PTPRN2: variants seen among roughly 807,000 people sequenced by gnomAD.
PTPRN2 encodes receptor-type tyrosine-protein phosphatase N2.
PTPRN2 carries 74 observed loss-of-function variants against 118.8 expected under a neutral mutation model. That is an observed-to-expected ratio of 0.62 (90% confidence interval 0.52 to 0.76). The LOEUF (loss-of-function observed/expected upper bound fraction) is 0.76. PTPRN2 is among the 30% of genes least tolerant of loss of function. The probability of loss-of-function intolerance (pLI) is 0.00; values close to 1 mark genes in which losing one functional copy is unlikely to be tolerated. For missense variants in PTPRN2, 1,481 were observed against 1,394.4 expected (o/e 1.06, Z -0.99); for synonymous variants, 641 against 608.0 (o/e 1.05, Z -0.80).
intron 12 of PTPRN2, among the ~76,000 whole-genome samples, chr7:157,795,407 T>C (rs1289149562): frequency 6.6e-6 from 1 of 152,220 alleles, no homozygotes; most frequent in East Asian, 1.9e-4. Context: ...CACCGTCTGT[T>C]TGCTCACCCT....
chr7:158,129,156 A>C (rs1484078755), intron 9 of PTPRN2, among the ~76,000 whole-genome samples: 2 of 151,208 alleles, frequency 1.3e-5, no homozygotes, highest in African/African-American at 4.9e-5. Flanking sequence ...CATACACTAC[A>C]CACCACACAC....
At chr7:158,075,930 G>A (rs911046888) in intron 11 of PTPRN2, among the ~76,000 whole-genome samples, 1 of 152,214 alleles carries the variant, frequency 6.6e-6, no homozygotes, top group African/African-American at 2.4e-5. Context: ...CCTGGAGCCG[G>A]GCTGCCCAGG....
intron 12 of PTPRN2, among the ~76,000 whole-genome samples, chr7:157,734,723 C>T (rs1287808857): frequency 2.6e-5 from 4 of 152,176 alleles, no homozygotes; most frequent in South Asian, 2.1e-4. Context: ...CATTTGGCTT[C>T]GAAATGATAA....
chr7:158,386,541 G>A (rs1437764403), intron 2 of PTPRN2, among the ~76,000 whole-genome samples: 1 of 152,172 alleles, frequency 6.6e-6, no homozygotes, highest in Non-Finnish European at 1.5e-5. Context: ...GGGGTCAGGG[G>A]AGCTTATAGC....
chr7:157,794,205 C>T lies in PTPRN2; in HGVS notation c.1788+104468G>A, dbSNP rs568754200. On this transcript the variant is annotated intron_variant, in intron 12 of 22. Transcript: ENST00000389418. This position sits in a 1 kb window ranked among gnomAD's most constrained non-coding sequence, Gnocchi z 5.2. ...CTGCCCTGACCCGGGATCACACCTC[C>T]GACCCGGGCTCACACCTCCCCTCGT... Among the ~76,000 whole-genome samples the T allele has an allele frequency of 1.4e-4, 20 of 142,088 alleles. No homozygotes were observed. Among genetic ancestry groups the T allele is most frequent in the Admixed American group, 8.3e-4 (12 of 14,516 alleles). The allele number at this position is 142,088 out of a possible 152,430, so 93.2% of individuals were successfully genotyped here. A position where few individuals can be genotyped will look rare whatever the true frequency, so the allele number is the denominator to read the frequency against.
At chr7:157,876,986 G>A (rs1795805635) in intron 12 of PTPRN2, among the ~76,000 whole-genome samples, 1 of 152,226 alleles carries the variant, frequency 6.6e-6, no homozygotes, top group African/African-American at 2.4e-5. Flanking sequence ...GCAGGATGTG[G>A]CAGTCCCTGG....
intron 11 of PTPRN2, among the ~76,000 whole-genome samples, chr7:158,071,598 CTGGTGGAGGTGCT>C (rs1811729461): frequency 1.3e-4 from 1 of 7,450 alleles, no homozygotes; most frequent in Non-Finnish European, 2.6e-4. Flanking sequence ...GGAGGTGCTC[CTGGTGGAGGTGCT>C]CGTGGTGGAG....
chr7:158,560,101 C>T (rs934838169), intron 1 of PTPRN2, among the ~76,000 whole-genome samples: 5 of 152,208 alleles, frequency 3.3e-5, no homozygotes, highest in Non-Finnish European at 5.9e-5. Flanking sequence ...CTTTTAGGAC[C>T]GGCTTCTTTC....
intron 2 of PTPRN2, among the ~76,000 whole-genome samples, chr7:158,352,577 G>A (rs1400706347): frequency 1.3e-5 from 2 of 152,224 alleles, no homozygotes; most frequent in African/African-American, 4.8e-5. Context: ...CCCTGAAGGT[G>A]AGGTCAGGCA....
intron 11 of PTPRN2, among the ~76,000 whole-genome samples, chr7:158,075,629 G>C (rs1263283403): frequency 6.6e-6 from 1 of 152,198 alleles, no homozygotes; most frequent in Non-Finnish European, 1.5e-5. Context: ...TCTCTTAGAG[G>C]CTCCTCTTTT....
chr7:157,902,893 G>A (rs1257966468), intron 11 of PTPRN2, among the ~76,000 whole-genome samples: 1 of 152,192 alleles, frequency 6.6e-6, no homozygotes, highest in East Asian at 1.9e-4. Context: ...GCTCCTAGCA[G>A]AGCTGCCTCC....
chr7:158,335,839 C>A (rs1805438262), intron 2 of PTPRN2, among the ~76,000 whole-genome samples: 1 of 10,432 alleles, frequency 9.6e-5, no homozygotes, highest in Non-Finnish European at 2.3e-4. Context: ...CCCACACTCT[C>A]ACCATAAGAG....
intron 4 of PTPRN2, among the ~76,000 whole-genome samples, chr7:158,203,225 CAAAAAAAAAAAAAAA>C (rs56016358): frequency 2.2e-4 from 11 of 50,340 alleles, no homozygotes; most frequent in Non-Finnish European, 3.5e-4. Flanking sequence ...AAGCAAGAGC[CAAAAAAAAAAAAAAA>C]AAAAAAAAAA....
intron 12 of PTPRN2, among the ~76,000 whole-genome samples, chr7:157,706,393 G>A (rs1469512171): frequency 6.6e-6 from 1 of 152,008 alleles, no homozygotes; most frequent in Admixed American, 6.6e-5. Context: ...CACGATGTGG[G>A]AACTGGGCGA....
intron 2 of PTPRN2, among the ~76,000 whole-genome samples, chr7:158,326,952 C>T (rs1419906793): frequency 2.0e-5 from 3 of 151,854 alleles, no homozygotes; most frequent in East Asian, 3.9e-4. Flanking sequence ...CATTTTCACA[C>T]ATGCACACAC....
chr7:158,063,266 G>A (rs1810498604), intron 11 of PTPRN2, among the ~76,000 whole-genome samples: 1 of 151,692 alleles, frequency 6.6e-6, no homozygotes, highest in African/African-American at 2.4e-5. Flanking sequence ...GCACTCTTGT[G>A]TCTAGCTAAT....
rs1811640731 is a variant in PTPRN2 at position 158,388,061 on chromosome 7, C to CA, written c.164-71130dup. Among the ~76,000 whole-genome samples, 3 of 152,308 alleles carry CA rather than the reference C, an allele frequency of 2.0e-5. No individual in the cohort carries two copies. In the East Asian group the frequency reaches 5.8e-4, roughly 29 times the overall value. On this transcript the variant is annotated intron_variant, in intron 2 of 22. Coordinates refer to ENST00000389418, the MANE Select transcript of PTPRN2 (RefSeq NM_002847.5). ...GTTTCTCTGGAGAACCCCAGCTCCA[C>CA]AGCAGCCTTCTCCCCACAGAAAATA...
chr7:158,138,619 C>CA, intron 6 of PTPRN2, 104 bp from the exon 7 acceptor site: 1 of 1,050,474 alleles, frequency 9.5e-7, no homozygotes, highest in Non-Finnish European at 1.4e-6. Flanking sequence ...CGTCCCAAGG[C>CA]AGTGGCCACC....
At chr7:157,572,228 CAT>C (rs1355369413) in intron 19 of PTPRN2, among the ~76,000 whole-genome samples, 3 of 151,812 alleles carry the variant, frequency 2.0e-5, no homozygotes, top group Non-Finnish European at 2.9e-5. Flanking sequence ...AACAATGAAA[CAT>C]GTTTATGAAG....
Sources: allele counts gnomAD v4.1 joint callset (sites outside exome capture counted in the v4.1 genomes callset), GRCh38; gene constraint gnomAD v4.1.1; non-coding constraint Gnocchi (gnomAD v3.1); transcripts MANE v1.5; gene names NCBI Gene and HGNC (gene_info 2026-07-23, HGNC 2026-07-21).